The following KIF24 variants were observed in gnomAD, a reference collection of about 807,000 sequenced individuals.
The protein encoded by KIF24 is kinesin-like protein KIF24.
KIF24 carries 81 observed loss-of-function variants against 118.9 expected under a neutral mutation model. The ratio of observed to expected loss-of-function variants is 0.68; its 90% CI spans 0.57 to 0.82. The LOEUF (loss-of-function observed/expected upper bound fraction) is 0.82, where lower values mean the gene tolerates loss of function less well. KIF24 is among the 40% of genes least tolerant of loss of function. The probability of loss-of-function intolerance (pLI) is 0.00; values close to 1 mark genes in which losing one functional copy is unlikely to be tolerated. For missense variants in KIF24, 1,560 were observed against 1,661.6 expected (o/e 0.94, Z 1.06); for synonymous variants, 599 against 610.0 (o/e 0.98, Z 0.27).
Position 34,254,090 on chromosome 9 carries a change from A to C in KIF24, c.*290T>G, listed in dbSNP as rs1355462687. 4 of 290,764 alleles carry C rather than the reference A, an allele frequency of 1.4e-5. No individual in the cohort carries two copies. Among genetic ancestry groups the C allele is most frequent in the African/African-American group, 6.5e-5 (3 of 45,946 alleles). 18.0% of individuals were successfully genotyped at this position (290,764 alleles called of 1,614,324 possible). Reference sequence around the variant, plus strand: ...TAGACCCAAATATATTCCCACAGGCAAGGGGTTAGTTAATCATATTCTCTA... The same window carrying C: ...TAGACCCAAATATATTCCCACAGGCCAGGGGTTAGTTAATCATATTCTCTA... On this transcript the variant is annotated 3_prime_UTR_variant, in exon 13 of 13. Coordinates refer to ENST00000402558, the MANE Select transcript of KIF24 (RefSeq NM_194313.4).
intron 1 of KIF24, among the ~76,000 whole-genome samples, chr9:34,324,862 G>A (rs1291289931): frequency 6.6e-6 from 1 of 152,066 alleles, no homozygotes; most frequent in Non-Finnish European, 1.5e-5. Flanking sequence ...ACCTCTTACT[G>A]ATTATAACAA....
At chr9:34,327,723 C>A (rs2131842758) in intron 1 of KIF24, among the ~76,000 whole-genome samples, 1 of 151,926 alleles carries the variant, frequency 6.6e-6, no homozygotes, top group East Asian at 1.9e-4. Flanking sequence ...CTTTGATTTT[C>A]CAGATGGAAA....
At chr9:34,254,548 G>A (rs750491287) in intron 12 of KIF24, 28 bp from the exon 13 acceptor site, 10 of 1,606,448 alleles carry the variant, frequency 6.2e-6, no homozygotes, top group Non-Finnish European at 8.5e-6. Context: ...GACGAATACA[G>A]CTTTTGCTCT....
At chr9:34,301,226 T>C (rs1383739540) in intron 3 of KIF24, among the ~76,000 whole-genome samples, 1 of 152,204 alleles carries the variant, frequency 6.6e-6, no homozygotes. Context: ...TTGACCTTAC[T>C]AACCTTGACA....
At chr9:34,262,991 C>T (rs1019545670) in intron 9 of KIF24, 110 bp downstream of exon 9, 13 of 783,226 alleles carry the variant, frequency 1.7e-5, no homozygotes, top group Non-Finnish European at 2.7e-5. Flanking sequence ...CCCCACTGTG[C>T]CCAGCATCAT....
chr9:34,304,521 T>C (rs1836840938), intron 3 of KIF24, among the ~76,000 whole-genome samples: 1 of 152,172 alleles, frequency 6.6e-6, no homozygotes, highest in Admixed American at 6.6e-5. Flanking sequence ...TAGACAGTGA[T>C]TGGATAGGGC....
chr9:34,314,312 C>A (rs1046905064), intron 1 of KIF24, among the ~76,000 whole-genome samples: 4 of 151,976 alleles, frequency 2.6e-5, no homozygotes, highest in Non-Finnish European at 4.4e-5. Context: ...TACAGGCGCG[C>A]GCCACCACGC....
At chr9:34,269,039 T>A (rs1365201869) in intron 8 of KIF24, among the ~76,000 whole-genome samples, 1 of 152,208 alleles carries the variant, frequency 6.6e-6, no homozygotes, top group East Asian at 1.9e-4. Context: ...TGGCATGGAT[T>A]GACCAGGGGA....
rs75697233 is a variant in KIF24, at chr9:34,270,497, T to C, written c.1338-1135A>G. On this transcript the variant is annotated intron_variant, in intron 7 of 12. Transcript: ENST00000402558. ...TGCTACTGCACTCCAGCCTGGGCAATAGAGCGAGACTCCGTCTCAAAAAAA... is the reference window on the plus strand; with the variant it reads ...TGCTACTGCACTCCAGCCTGGGCAACAGAGCGAGACTCCGTCTCAAAAAAA... 1.1e-4 allele frequency among the ~76,000 whole-genome samples: 14 copies of C among 124,010 alleles called. No individual in the cohort carries two copies. In the East Asian group the frequency reaches 1.9e-3, roughly 17 times the overall value. 81.4% of individuals were successfully genotyped at this position (124,010 alleles called of 152,430 possible).
chr9:34,291,791 CA>C lies in KIF24; in HGVS notation c.912-1403del, dbSNP rs71506178. Among the ~76,000 whole-genome samples, 1,029 of 139,756 alleles carry C rather than the reference CA, an allele frequency of 7.4e-3. 4 individuals carry two copies. The highest frequency in any genetic ancestry group is 0.02 in the African/African-American group (761 of 38,152). The allele number at this position is 139,756 out of a possible 152,430, so 91.7% of individuals were successfully genotyped here. The stretch of plus-strand genomic sequence containing the variant: ...TAATGATAAAAATAGCTGCTTGCAG[CA>C]AAAAAAAAAAAGTCTATGCATTGTG... On this transcript the variant is annotated intron_variant, in intron 4 of 12. Transcript: ENST00000402558.
Position 34,257,499 on chromosome 9 carries a change from C to T in KIF24, c.2108G>A (p.Cys703Tyr). Residue 703 changes from cysteine (C) to tyrosine (Y), a missense_variant, in exon 11 of 13, where the codon TGC becomes TAC. Physicochemically the swap from Cys to Tyr is radical, Grantham distance 194 (BLOSUM62 -2). This residue lies in a region of KIF24 where 964 missense variants were observed against 988.0 expected (regional missense o/e 0.98). Transcript: ENST00000402558. ...GLVRGKLSTK[C>Y]KKVQTVQPVQ... ...TGGCTGCACTGTCTGCACTTTCTTG[C>T]ACTTGGTGGACAGCTTACCACGCAC... 1.9e-6 allele frequency: 3 copies of T among 1,614,074 alleles called. No homozygotes were observed. Among genetic ancestry groups the T allele is most frequent in the Non-Finnish European group, 2.5e-6 (3 of 1,179,906 alleles).
intron 3 of KIF24, among the ~76,000 whole-genome samples, chr9:34,302,950 T>A (rs1024894399): frequency 7.9e-5 from 12 of 151,838 alleles, no homozygotes; most frequent in Non-Finnish European, 1.3e-4. Context: ...TAATTTTTTG[T>A]ATTTTTAGTG....
rs770334752 is a variant in KIF24 at position 34,257,825 on chromosome 9, C to G, written c.1782G>C (p.Gln594His). The change falls in exon 11 of 13, where the codon CAG becomes CAC. Residue 594 changes from glutamine to histidine, a missense_variant. Transcript: ENST00000402558. Reference sequence around the variant, plus strand: ...AACCAGGGGCTGCCACTGTGAGTGACTGCTGAAATCCCAGCTTGACTTTTT... The same window carrying G: ...AACCAGGGGCTGCCACTGTGAGTGAGTGCTGAAATCCCAGCTTGACTTTTT... Reference protein sequence around the residue: ...SPKKVKLGFQQSLTVAAPGST... With the variant: ...SPKKVKLGFQHSLTVAAPGST... The G allele has an allele frequency of 6.2e-7, 1 of 1,614,040 alleles. No individual in the cohort carries two copies. The highest frequency in any genetic ancestry group is 2.2e-5 in the East Asian group (1 of 44,888).
intron 4 of KIF24, among the ~76,000 whole-genome samples, chr9:34,295,195 A>G (rs137976839): frequency 4.1e-3 from 120 of 29,624 alleles, no homozygotes; most frequent in African/African-American, 9.4e-3. Context: ...ATGGATGGAT[A>G]GACAGACAGA....
Position 34,257,753 on chromosome 9 carries a change from A to C in KIF24, c.1854T>G (p.Ile618Met). 6.2e-7 allele frequency: 1 copy of C among 1,613,926 alleles called. No individual in the cohort carries two copies. Among genetic ancestry groups the C allele is most frequent in the Non-Finnish European group, 8.5e-7 (1 of 1,179,854 alleles). Reference protein sequence around the residue: ...VHPLTSHPPNIPFTSAPKVSG... With the variant: ...VHPLTSHPPNMPFTSAPKVSG... ...AGACCTTAGGTGCAGAAGTAAAAGGAATGTTGGGTGGGTGGCTGGTCAGAG... is the reference window on the plus strand; with the variant it reads ...AGACCTTAGGTGCAGAAGTAAAAGGCATGTTGGGTGGGTGGCTGGTCAGAG... The change falls in exon 11 of 13, where the codon ATT becomes ATG. Residue 618 changes from isoleucine (I) to methionine (M), a missense_variant. Physicochemically the swap from Ile to Met is conservative, Grantham distance 10 (BLOSUM62 1). This residue lies in a region of KIF24 where 964 missense variants were observed against 988.0 expected (regional missense o/e 0.98). Coordinates refer to ENST00000402558, the MANE Select transcript of KIF24 (RefSeq NM_194313.4).
In KIF24 at chr9:34,256,368, A is replaced by T; in HGVS notation, c.3239T>A (p.Leu1080Gln). The stretch of plus-strand genomic sequence containing the variant: ...TGGGCCCCCTGTGCTCTCTGCCACT[A>T]GACTGTGCGTAGCCCCATCCTGGAC... ...QLVQDGATHS[L>Q]VAESTGGPVV... Residue 1080 changes from leucine (L) to glutamine (Q), a missense_variant, in exon 11 of 13, where the codon CTA (leucine) becomes CAA (glutamine). Leu to Gln is a moderately radical substitution (Grantham distance 113). Transcript: ENST00000402558. 6.2e-7 allele frequency: 1 copy of T among 1,613,826 alleles called. No individual in the cohort carries two copies. Among genetic ancestry groups the T allele is most frequent in the Admixed American group, 1.7e-5 (1 of 60,012 alleles).
chr9:34,297,749 G>A (rs1368548352), intron 3 of KIF24, among the ~76,000 whole-genome samples: 2 of 144,876 alleles, frequency 1.4e-5, no homozygotes, highest in East Asian at 2.1e-4. Context: ...GTGACAGAGC[G>A]AGATTCCATT....
rs1837408197 is a variant in KIF24 at position 34,318,621 on chromosome 9, T to C, written c.-25-7250A>G. 15 of 1,518,608 alleles carry C rather than the reference T, an allele frequency of 9.9e-6. No individual in the cohort carries two copies. The highest frequency in any genetic ancestry group is 1.3e-5 in the Non-Finnish European group (15 of 1,111,488). 94.1% of individuals were successfully genotyped at this position (1,518,608 alleles called of 1,614,324 possible). On this transcript the variant is annotated intron_variant, in intron 1 of 12. Transcript: ENST00000402558. This position sits in a 1 kb window ranked among gnomAD's most constrained non-coding sequence, Gnocchi z 4.9. Reference sequence around the variant, plus strand: ...GAGAACATCCTGGTGTCGCCCGTGGTGGTGGCCTCGTCGTTGGGGCTCGTG... The same window carrying C: ...GAGAACATCCTGGTGTCGCCCGTGGCGGTGGCCTCGTCGTTGGGGCTCGTG...
intron 6 of KIF24, chr9:34,282,773 G>A (rs570459656): frequency 1.3e-5 from 2 of 152,168 alleles, no homozygotes; most frequent in African/African-American, 2.4e-5. Context: ...AAAACTGAGC[G>A]GGACGCAGTG....
Sources: gnomAD v4.1 joint callset for allele counts (sites outside exome capture counted in the v4.1 genomes callset) on GRCh38, gnomAD v4.1.1 for gene constraint, gnomAD v4.1.1 regional missense constraint, Gnocchi (gnomAD v3.1) non-coding constraint, MANE v1.5 for transcripts, NCBI Gene and HGNC (gene_info 2026-07-23, HGNC 2026-07-21) for gene names.